Variants in HIVEP2 observed in about 807,000 individuals in gnomAD.
The protein encoded by HIVEP2 is transcription factor HIVEP2.
HIVEP2 carries 14 observed loss-of-function variants against 180.7 expected under a neutral mutation model. The observed-to-expected ratio is 0.08, with a 90% CI of 0.05 to 0.12. HIVEP2 has a LOEUF of 0.12. Among genes scored for constraint, HIVEP2 ranks in the 10% least tolerant of loss-of-function variants. The pLI is 1.00. For synonymous variants in HIVEP2, 1,184 were observed against 1,136.4 expected (o/e 1.04, Z -0.84); for missense variants, 2,579 against 3,008.5 (o/e 0.86, Z 3.34).
In HIVEP2 at chr6:142,892,801, G is replaced by A. The variant is rs188435611; in HGVS notation, c.-641+52298C>T. 7.9e-5 allele frequency among the ~76,000 whole-genome samples: 12 copies of A among 152,278 alleles called. 1 individual carries two copies. In the Middle Eastern group the frequency reaches 0.01, roughly 129 times the overall value. ...TCTGTCCTTAGTGCAAGCCTCCTAC[G>A]TAAGGGAATGGGGAGTCAAGATTAC... On this transcript the variant is annotated intron_variant, in intron 1 of 9. Coordinates refer to ENST00000367603, the MANE Select transcript of HIVEP2 (RefSeq NM_006734.4).
chr6:142,919,539 A>G (rs1777640188), intron 1 of HIVEP2, among the ~76,000 whole-genome samples: 1 of 152,148 alleles, frequency 6.6e-6, no homozygotes, highest in Admixed American at 6.5e-5. Flanking sequence ...TTTCAGAATC[A>G]CATTTCTTTT....
intron 1 of HIVEP2, among the ~76,000 whole-genome samples, chr6:142,914,191 C>T (rs950150372): frequency 1.3e-5 from 2 of 152,228 alleles, no homozygotes; most frequent in Middle Eastern, 6.8e-3. Context: ...TTATCATGTG[C>T]CATCAAATTT....
Position 142,753,350 on chromosome 6 carries a change from A to G in HIVEP2, c.7098T>C (p.His2366=), listed in dbSNP as rs1295329016. Residue 2366 remains histidine (H), a synonymous_variant, in exon 10 of 10, where the codon CAT becomes CAC. Transcript: ENST00000367603. ...GTCTACTAAAGTGTCTAATGCTAACATGTGCACTTCCCAGGGGGTTCTGGT... is the reference window on the plus strand; with the variant it reads ...GTCTACTAAAGTGTCTAATGCTAACGTGTGCACTTCCCAGGGGGTTCTGGT... ...EPHQNPLGSA[H]VSIRHFSRPE... 1.9e-6 allele frequency: 3 copies of G among 1,614,054 alleles called. No individual in the cohort carries two copies. Among genetic ancestry groups the G allele is most frequent in the South Asian group, 2.2e-5 (2 of 91,078 alleles).
rs62430708 is a variant in HIVEP2, at chr6:142,848,859, A to C, written c.-640-11812T>G. Among the ~76,000 whole-genome samples, 35 of 152,096 alleles carry C rather than the reference A, an allele frequency of 2.3e-4. 1 individual carries two copies. Among genetic ancestry groups the C allele is most frequent in the Non-Finnish European group, 8.8e-5 (6 of 68,004 alleles). ...ATCTCTATTTAAATCAAGTGAAAGCACCAGTTCAACCCCAAGTCTATGAAA... is the reference window on the plus strand; with the variant it reads ...ATCTCTATTTAAATCAAGTGAAAGCCCCAGTTCAACCCCAAGTCTATGAAA... On this transcript the variant is annotated intron_variant, in intron 1 of 9. Coordinates refer to ENST00000367603, the MANE Select transcript of HIVEP2 (RefSeq NM_006734.4).
In HIVEP2 at chr6:142,770,536, C is replaced by T. The variant is rs1775502077; in HGVS notation, c.4203G>A (p.Leu1401=). The T allele has an allele frequency of 6.2e-7, 1 of 1,614,186 alleles. No individual in the cohort carries two copies. The highest frequency in any genetic ancestry group is 1.1e-5 in the South Asian group (1 of 91,084). The change falls in exon 5 of 10, where the codon TTG becomes TTA. Residue 1401 remains leucine (L), a synonymous_variant. Transcript: ENST00000367603. The surrounding 1 kb of genome is among the most constrained non-coding windows in gnomAD (Gnocchi z 4.7). ...GTGCTTTCCAAATGGGGTACTTCTC[C>T]AAGCCCGCATGCTGCCCCAGCACCT... The part of the protein sequence containing the change: ...IAQVLGQHAG[L]EKYPIWKAPQ...
At position 142,770,278 on chromosome 6, in the gene HIVEP2, G is replaced by T; in HGVS notation, c.4461C>A (p.Leu1487=). 1 of 1,614,174 alleles carries T rather than the reference G, an allele frequency of 6.2e-7. No individual in the cohort carries two copies. The highest frequency in any genetic ancestry group is 8.5e-7 in the Non-Finnish European group (1 of 1,180,036). ...ELTNSDIKKD[L]SRPQKPQLVR... is the part of the protein sequence containing the mutation. ...CCAGCTGGGGTTTCTGGGGGCGGGA[G>T]AGGTCCTTTTTGATGTCTGAGTTGG... Residue 1487 remains leucine (L), a synonymous_variant, in exon 5 of 10, where the codon CTC becomes CTA. Transcript: ENST00000367603. This position sits in a 1 kb window ranked among gnomAD's most constrained non-coding sequence, Gnocchi z 4.7.
intron 1 of HIVEP2, among the ~76,000 whole-genome samples, chr6:142,910,588 GA>G (rs1467419282): frequency 3.3e-5 from 5 of 152,196 alleles, no homozygotes; most frequent in Non-Finnish European, 7.3e-5. Flanking sequence ...GTGACACAGC[GA>G]GACTACGTCT....
intron 1 of HIVEP2, among the ~76,000 whole-genome samples, chr6:142,848,660 T>C (rs1407006848): frequency 6.6e-6 from 1 of 152,084 alleles, no homozygotes; most frequent in African/African-American, 2.4e-5. Context: ...GAAGTTAAGA[T>C]TGCAGTGAGC....
Position 142,774,415 on chromosome 6 carries a change from C to A in HIVEP2, c.324G>T (p.Gly108=), listed in dbSNP as rs566135624. Residue 108 remains glycine, a synonymous_variant, in exon 5 of 10, where the codon GGG becomes GGT. Coordinates refer to ENST00000367603, the MANE Select transcript of HIVEP2 (RefSeq NM_006734.4). This position sits in a 1 kb window ranked among gnomAD's most constrained non-coding sequence, Gnocchi z 5.1. ...LSFPQHSLPQ[G]VMHSTKPHQS... is the part of the protein sequence containing the mutation. ...GATGTGGCTTGGTGCTGTGCATGAC[C>A]CCCTGTGGCAATGAGTGCTGAGGGA... is the stretch of plus-strand genomic sequence containing the variant. 2.9e-5 allele frequency: 47 copies of A among 1,614,142 alleles called. No individual in the cohort carries two copies. In the South Asian group the frequency reaches 4.3e-4, roughly 15 times the overall value.
intron 2 of HIVEP2, among the ~76,000 whole-genome samples, chr6:142,820,297 T>TTCTCTC (rs3057563): frequency 0.17 from 25,647 of 148,264 alleles, 2,519 homozygotes; most frequent in Middle Eastern, 0.29. Flanking sequence ...TCGCTCTCTC[T>TTCTCTC]TCTCTCTCTC....
intron 1 of HIVEP2, among the ~76,000 whole-genome samples, chr6:142,851,631 T>C (rs567138964): frequency 7.9e-5 from 12 of 151,610 alleles, no homozygotes; most frequent in Non-Finnish European, 1.8e-4. Flanking sequence ...CTGGAGAGAG[T>C]TTTTTAATCC....
At chr6:142,859,460 CAA>C (rs142594662) in intron 1 of HIVEP2, among the ~76,000 whole-genome samples, 30 of 118,868 alleles carry the variant, frequency 2.5e-4, no homozygotes, top group South Asian at 1.0e-3. Context: ...GACCCAGTCT[CAA>C]AAAAAAAAAA....
chr6:142,935,394 C>A (rs761490384), intron 1 of HIVEP2, among the ~76,000 whole-genome samples: 8 of 152,070 alleles, frequency 5.3e-5, no homozygotes, highest in Non-Finnish European at 1.0e-4. Context: ...ACAAAAAGTG[C>A]AAAAATTAGC....
chr6:142,874,507 A>G (rs1286219723), intron 1 of HIVEP2, among the ~76,000 whole-genome samples: 1 of 152,184 alleles, frequency 6.6e-6, no homozygotes, highest in Non-Finnish European at 1.5e-5. Context: ...TGTACTGAGT[A>G]TATCCTATAT....
At chr6:142,898,933 T>C (rs1424980835) in intron 1 of HIVEP2, among the ~76,000 whole-genome samples, 1 of 152,234 alleles carries the variant, frequency 6.6e-6, no homozygotes, top group Non-Finnish European at 1.5e-5. Flanking sequence ...TGAATATTAC[T>C]GTAATTGTCT....
rs1190759114 is a variant in HIVEP2 at position 142,830,980 on chromosome 6, C to T, written c.-528+5955G>A. On this transcript the variant is annotated intron_variant, in intron 2 of 9. Transcript: ENST00000367603. ...CTACCCTCCAACCAGACTCTCACAC[C>T]GGTCTGATCTCCCACCACACAAAGT... 2.6e-5 allele frequency among the ~76,000 whole-genome samples: 4 copies of T among 152,156 alleles called. No homozygotes were observed. The East Asian group carries it at 5.8e-4, about 22-fold the overall frequency.
chr6:142,790,911 T>G (rs962261620), intron 2 of HIVEP2, among the ~76,000 whole-genome samples: 2 of 142,776 alleles, frequency 1.4e-5, no homozygotes, highest in Non-Finnish European at 3.1e-5. Flanking sequence ...TCAGATGTGA[T>G]GAAAAATAAA....
intron 2 of HIVEP2, among the ~76,000 whole-genome samples, chr6:142,829,463 G>T (rs1775014509): frequency 6.6e-6 from 1 of 152,108 alleles, no homozygotes; most frequent in Non-Finnish European, 1.5e-5. Flanking sequence ...TAAGAAAATT[G>T]ATACGATTTC....
chr6:142,807,232 A>C (rs904598143), intron 2 of HIVEP2, among the ~76,000 whole-genome samples: 3 of 152,160 alleles, frequency 2.0e-5, no homozygotes, highest in African/African-American at 2.4e-5. Flanking sequence ...TAGGAACTGT[A>C]AGACTGGAAG....
Sources: allele counts gnomAD v4.1 joint callset (sites outside exome capture counted in the v4.1 genomes callset), GRCh38; gene constraint gnomAD v4.1.1; non-coding constraint Gnocchi (gnomAD v3.1); transcripts MANE v1.5; gene names NCBI Gene and HGNC (gene_info 2026-07-23, HGNC 2026-07-21).